The following PCDH9 variants were observed in gnomAD, a reference collection of about 807,000 sequenced individuals.
The protein encoded by PCDH9 is protocadherin-9.
In PCDH9, 24 loss-of-function variants were observed where a neutral mutation model predicts 70.6. The ratio of observed to expected loss-of-function variants is 0.34; its 90% confidence interval spans 0.25 to 0.48. PCDH9 has a LOEUF of 0.48. Ranked by LOEUF, PCDH9 falls within the 20% of genes least tolerant of loss-of-function variation. The probability of loss-of-function intolerance (pLI) is 0.99; values close to 1 mark genes in which losing one functional copy is unlikely to be tolerated. For missense variants in PCDH9, 1,281 were observed against 1,503.6 expected, an observed-to-expected ratio of 0.85 and a Z score of 2.45; for synonymous variants, 562 against 558.5, an observed-to-expected ratio of 1.01 and a Z score of -0.09.
chr13:66,311,965 T>A (rs1955569071), intron 4 of PCDH9, among the ~76,000 whole-genome samples: 1 of 152,174 alleles, frequency 6.6e-6, no homozygotes, highest in Non-Finnish European at 1.5e-5. Flanking sequence ...TTCCATTCAT[T>A]TATTCAATAA....
intron 4 of PCDH9, among the ~76,000 whole-genome samples, chr13:66,507,876 C>G (rs1959260690): frequency 6.6e-6 from 1 of 152,086 alleles, no homozygotes; most frequent in Non-Finnish European, 1.5e-5. Context: ...TGTGTGCCCC[C>G]ACGCCCAGCT....
chr13:66,521,287 C>A (rs1159083084), intron 4 of PCDH9, among the ~76,000 whole-genome samples: 3 of 152,052 alleles, frequency 2.0e-5, no homozygotes, highest in Non-Finnish European at 2.9e-5. Context: ...AAGATTGTTT[C>A]TGAAACATTT....
At chr13:67,072,455 G>C (rs1202175617) in intron 2 of PCDH9, among the ~76,000 whole-genome samples, 1 of 152,074 alleles carries the variant, frequency 6.6e-6, no homozygotes, top group African/African-American at 2.4e-5. Context: ...TAAAAACACA[G>C]TTTTCCTTGG....
chr13:66,325,225 C>G (rs1338317857), intron 4 of PCDH9, among the ~76,000 whole-genome samples: 2 of 151,914 alleles, frequency 1.3e-5, no homozygotes, highest in Non-Finnish European at 2.9e-5. Context: ...ACATATTTGC[C>G]ATTTCATTCT....
chr13:66,925,341 G>A (rs1485136320), intron 2 of PCDH9, among the ~76,000 whole-genome samples: 2 of 151,488 alleles, frequency 1.3e-5, no homozygotes, highest in Non-Finnish European at 3.0e-5. Context: ...TTGGCTTACC[G>A]TATCTATAAT....
At chr13:66,776,285 C>T (rs58962771) in intron 3 of PCDH9, among the ~76,000 whole-genome samples, 8 of 150,416 alleles carry the variant, frequency 5.3e-5, no homozygotes, top group East Asian at 2.0e-4. Context: ...CCAGGGCAAT[C>T]AGGCAGGAGA....
intron 2 of PCDH9, among the ~76,000 whole-genome samples, chr13:67,190,959 T>G (rs2088893961): frequency 6.6e-6 from 1 of 152,084 alleles, no homozygotes; most frequent in Non-Finnish European, 1.5e-5. Flanking sequence ...TTTTTCTTCT[T>G]ACTGAAAAAC....
At chr13:67,051,448 A>C (rs2085323743) in intron 2 of PCDH9, among the ~76,000 whole-genome samples, 1 of 125,862 alleles carries the variant, frequency 7.9e-6, no homozygotes, top group South Asian at 2.6e-4. Context: ...GCTGGAGTGC[A>C]GTGGTGTGAT....
At chr13:66,314,939 A>G (rs1955624181) in intron 4 of PCDH9, among the ~76,000 whole-genome samples, 1 of 152,232 alleles carries the variant, frequency 6.6e-6, no homozygotes, top group Non-Finnish European at 1.5e-5. Context: ...GTTAATCAAA[A>G]GAGATTGTTG....
intron 2 of PCDH9, among the ~76,000 whole-genome samples, chr13:66,962,845 G>T (rs1206191751): frequency 6.6e-6 from 1 of 152,030 alleles, no homozygotes; most frequent in Non-Finnish European, 1.5e-5. Flanking sequence ...AGGGGTATTG[G>T]TTCAGGATGA....
chr13:66,884,149 C>T (rs530010262), intron 3 of PCDH9, among the ~76,000 whole-genome samples: 1 of 152,178 alleles, frequency 6.6e-6, no homozygotes, highest in South Asian at 2.1e-4. Context: ...CCGCCTGCCT[C>T]TGTCTCCCAA....
rs147879023 is a variant in PCDH9 at position 66,511,994 on chromosome 13, T to A, written c.3340+119216A>T. The stretch of plus-strand genomic sequence containing the variant: ...ACTAATGAGTTTTACCTATGTTTGA[T>A]GATGTTTAAAATCTCCATTTTGTAA... On this transcript the variant is annotated intron_variant, in intron 4 of 4. Coordinates refer to ENST00000377865, the MANE Select transcript of PCDH9 (RefSeq NM_203487.3). 2.0e-5 allele frequency among the ~76,000 whole-genome samples: 3 copies of A among 152,312 alleles called. No individual in the cohort carries two copies. The East Asian group carries it at 5.8e-4, about 29-fold the overall frequency.
At chr13:66,516,967 C>G (rs1302881071) in intron 4 of PCDH9, among the ~76,000 whole-genome samples, 1 of 152,058 alleles carries the variant, frequency 6.6e-6, no homozygotes, top group Non-Finnish European at 1.5e-5. Context: ...CAAATCAGAT[C>G]TAATAACACC....
At chr13:66,437,923 G>A (rs1957903482) in intron 4 of PCDH9, among the ~76,000 whole-genome samples, 1 of 152,088 alleles carries the variant, frequency 6.6e-6, no homozygotes, top group African/African-American at 2.4e-5. Flanking sequence ...CTGTTTCTAT[G>A]GTTGTTTTCA....
intron 3 of PCDH9, among the ~76,000 whole-genome samples, chr13:66,739,433 C>T (rs1470450083): frequency 6.6e-6 from 1 of 150,944 alleles, no homozygotes; most frequent in Non-Finnish European, 1.5e-5. Context: ...ACTGCATCAA[C>T]TAACGAGCAA....
intron 4 of PCDH9, among the ~76,000 whole-genome samples, chr13:66,358,280 T>C (rs1026626123): frequency 6.6e-6 from 1 of 152,022 alleles, no homozygotes; most frequent in East Asian, 1.9e-4. Flanking sequence ...TTCAGTATAG[T>C]ACCTTTGGTA....
chr13:67,115,860 GATA>G lies in PCDH9; in HGVS notation c.3036+109542_3036+109544del, dbSNP rs373165068. Among the ~76,000 whole-genome samples, 323 of 152,172 alleles carry G rather than the reference GATA, an allele frequency of 2.1e-3. 1 individual carries two copies. The highest frequency in any genetic ancestry group is 7.2e-3 in the African/African-American group (299 of 41,518). ...ACAGGTTTTCATTATATATCAGGAT[GATA>G]ATAATAATATATCCTATATCCGCTT... is the stretch of plus-strand genomic sequence containing the variant. On this transcript the variant is annotated intron_variant, in intron 2 of 4. Transcript: ENST00000377865.
chr13:67,184,262 TAAC>T (rs2088691402), intron 2 of PCDH9, among the ~76,000 whole-genome samples: 1 of 152,186 alleles, frequency 6.6e-6, no homozygotes, highest in Non-Finnish European at 1.5e-5. Context: ...ACAGCTTGTT[TAAC>T]AACAAAACTT....
At chr13:67,126,456 T>C (rs2086982502) in intron 2 of PCDH9, among the ~76,000 whole-genome samples, 1 of 152,190 alleles carries the variant, frequency 6.6e-6, no homozygotes, top group African/African-American at 2.4e-5. Flanking sequence ...ACACATTATA[T>C]ATTGACTAAT....
Sources: allele counts gnomAD v4.1 joint callset (sites outside exome capture counted in the v4.1 genomes callset), GRCh38; gene constraint gnomAD v4.1.1; transcripts MANE v1.5; gene names NCBI Gene and HGNC (gene_info 2026-07-23, HGNC 2026-07-21).